The following CYFIP2 variants were observed in gnomAD, a reference collection of about 807,000 sequenced individuals.
CYFIP2 encodes cytoplasmic FMR1-interacting protein 2.
A neutral mutation model predicts 158.7 loss-of-function variants in CYFIP2; 29 were observed. That is an observed-to-expected ratio of 0.18 (90% CI 0.14 to 0.25). The LOEUF (loss-of-function observed/expected upper bound fraction) is 0.25. Among genes scored for constraint, CYFIP2 ranks in the 10% least tolerant of loss-of-function variants. The pLI is 1.00. For synonymous variants in CYFIP2, 585 were observed against 617.6 expected, an observed-to-expected ratio of 0.95 and a Z score of 0.78; for missense variants, 852 against 1,639.5, an observed-to-expected ratio of 0.52 and a Z score of 8.29.
chr5:157,358,935 C>T lies in CYFIP2; in HGVS notation c.2674-70C>T. The T allele has an allele frequency of 5.0e-6, 8 of 1,589,266 alleles. No homozygotes were observed. The South Asian group carries it at 7.8e-5, about 15-fold the overall frequency. On this transcript the variant is annotated intron_variant, in intron 23 of 30. Coordinates refer to ENST00000620254, the MANE Select transcript of CYFIP2 (RefSeq NM_001037333.3). ...GTTCCTAATGCTTCTGTCAGCAGAACATCTGCCAGGACTCCACCAGTGTCC... is the reference window on the plus strand; with the variant it reads ...GTTCCTAATGCTTCTGTCAGCAGAATATCTGCCAGGACTCCACCAGTGTCC...
At position 157,392,151 on chromosome 5, in the gene CYFIP2, T is replaced by C. The variant is rs181298503; in HGVS notation, c.3595-682T>C. On this transcript the variant is annotated intron_variant, in intron 30 of 30. Coordinates refer to ENST00000620254, the MANE Select transcript of CYFIP2 (RefSeq NM_001037333.3). ...GAAGTTCTTTACATATTCTAGATAT[T>C]ACTTATCAGATATAATTTGTGATTA... is the stretch of plus-strand genomic sequence containing the variant. Among the ~76,000 whole-genome samples the C allele has an allele frequency of 1.4e-4, 21 of 152,336 alleles. No individual in the cohort carries two copies. The East Asian group carries it at 3.9e-3, about 28-fold the overall frequency.
chr5:157,281,285 T>C (rs1756968193), intron 1 of CYFIP2, among the ~76,000 whole-genome samples: 1 of 152,174 alleles, frequency 6.6e-6, no homozygotes, highest in South Asian at 2.1e-4. Context: ...CATTTAGGGA[T>C]GTTAACAGCT....
intron 23 of CYFIP2, among the ~76,000 whole-genome samples, chr5:157,352,959 G>A (rs566678958): frequency 1.3e-5 from 2 of 152,174 alleles, no homozygotes; most frequent in African/African-American, 4.8e-5. Context: ...TGCAAGCCCG[G>A]GATTGCCGCC....
intron 24 of CYFIP2, among the ~76,000 whole-genome samples, chr5:157,359,586 C>T (rs369054174): frequency 6.6e-6 from 1 of 152,204 alleles, no homozygotes; most frequent in Non-Finnish European, 1.5e-5. Flanking sequence ...CTTGGGATTT[C>T]TTGCTGAACA....
chr5:157,325,284 T>C (rs570209876), intron 16 of CYFIP2, among the ~76,000 whole-genome samples, 198 bp from the exon 17 acceptor site: 1 of 152,068 alleles, frequency 6.6e-6, no homozygotes, highest in Admixed American at 6.5e-5. Flanking sequence ...CCACTGCCTC[T>C]CAAGCTTAAC....
chr5:157,295,021 C>T (rs548969895), intron 4 of CYFIP2, among the ~76,000 whole-genome samples, 161 bp downstream of exon 4: 6 of 152,288 alleles, frequency 3.9e-5, no homozygotes, highest in African/African-American at 1.4e-4. Flanking sequence ...AGAGAGCTTC[C>T]CATAAAAGTG....
At chr5:157,275,772 C>T (rs1346715077) in intron 1 of CYFIP2, among the ~76,000 whole-genome samples, 51 of 152,244 alleles carry the variant, frequency 3.3e-4, no homozygotes, top group Admixed American at 3.3e-3. Context: ...ATTAAGCCTT[C>T]CAACCTATGG....
chr5:157,294,987 CA>C (rs1262042454), intron 4 of CYFIP2, 127 bp downstream of exon 4: 8 of 624,614 alleles, frequency 1.3e-5, no homozygotes, highest in Non-Finnish European at 1.9e-5. Context: ...TCCTCTTATC[CA>C]AGGAAGAACC....
chr5:157,374,957 T>A (rs555262956), intron 26 of CYFIP2, among the ~76,000 whole-genome samples: 6 of 152,344 alleles, frequency 3.9e-5, no homozygotes, highest in Non-Finnish European at 4.4e-5. Flanking sequence ...AGACTCATTC[T>A]AGGGGGCAGA....
intron 23 of CYFIP2, chr5:157,342,927 C>T: frequency 6.2e-7 from 1 of 1,614,232 alleles, no homozygotes; most frequent in Non-Finnish European, 8.5e-7. Flanking sequence ...GCACCCGCAT[C>T]AGGGGCATCC....
At chr5:157,273,584 G>A (rs1478445679) in intron 1 of CYFIP2, among the ~76,000 whole-genome samples, 6 of 151,972 alleles carry the variant, frequency 3.9e-5, no homozygotes, top group African/African-American at 9.7e-5. Context: ...TGCTCTGTGG[G>A]GTGGTATGGT....
intron 21 of CYFIP2, 77 bp downstream of exon 21, chr5:157,333,523 T>C: frequency 6.2e-7 from 1 of 1,600,348 alleles, no homozygotes; most frequent in Non-Finnish European, 8.5e-7. Context: ...CTGTAGTTAG[T>C]CTAGTGCTGG....
intron 26 of CYFIP2, among the ~76,000 whole-genome samples, chr5:157,367,560 C>T (rs1164488109): frequency 6.6e-6 from 1 of 152,174 alleles, no homozygotes; most frequent in East Asian, 1.9e-4. Flanking sequence ...CCCAGCTGAG[C>T]TTTGCCGATT....
intron 23 of CYFIP2, among the ~76,000 whole-genome samples, chr5:157,355,552 A>G (rs1763355275): frequency 6.6e-6 from 1 of 152,210 alleles, no homozygotes; most frequent in South Asian, 2.1e-4. Context: ...TAACTAGTGC[A>G]TTTACAGACC....
intron 13 of CYFIP2, among the ~76,000 whole-genome samples, chr5:157,317,934 G>A (rs1404534372): frequency 5.3e-5 from 8 of 152,044 alleles, no homozygotes; most frequent in South Asian, 4.1e-4. Flanking sequence ...GACCAGCCCC[G>A]CCACTGATCC....
Position 157,285,396 on chromosome 5 carries a change from C to A in CYFIP2, c.35C>A (p.Ser12Tyr). The A allele has an allele frequency of 6.3e-7, 1 of 1,578,540 alleles. No homozygotes were observed. Among genetic ancestry groups the A allele is most frequent in the East Asian group, 2.3e-5 (1 of 43,006 alleles). Residue 12 changes from serine to tyrosine, a missense_variant, in exon 2 of 31, where the codon TCC (serine) becomes TAC (tyrosine). By Grantham distance (144) the Ser-to-Tyr change is moderately radical. Coordinates refer to ENST00000620254, the MANE Select transcript of CYFIP2 (RefSeq NM_001037333.3). ...TTHVTLEDAL[S>Y]NVDLLEELPL... Reference sequence around the variant, plus strand: ...CACGTCACCCTGGAAGATGCCCTGTCCAACGTGGACCTGCTTGAAGAGCTT... The same window carrying A: ...CACGTCACCCTGGAAGATGCCCTGTACAACGTGGACCTGCTTGAAGAGCTT...
At chr5:157,305,086 TC>T in intron 8 of CYFIP2, among the ~76,000 whole-genome samples, 1 of 152,368 alleles carries the variant, frequency 6.6e-6, no homozygotes, top group Non-Finnish European at 1.5e-5. Flanking sequence ...ATTATTTTGT[TC>T]CTTTTTATGG....
intron 15 of CYFIP2, chr5:157,323,014 C>T: frequency 6.5e-7 from 1 of 1,536,058 alleles, no homozygotes; most frequent in Non-Finnish European, 8.7e-7. Flanking sequence ...CTGCCGATCC[C>T]TGGTATCACA....
chr5:157,364,746 T>C (rs556982686), intron 26 of CYFIP2: 13 of 152,254 alleles, frequency 8.5e-5, no homozygotes, highest in African/African-American at 2.6e-4. Flanking sequence ...ATGAGCTTTC[T>C]GGAGTTTTTT....
Sources: allele counts gnomAD v4.1 joint callset (sites outside exome capture counted in the v4.1 genomes callset), GRCh38; gene constraint gnomAD v4.1.1; transcripts MANE v1.5; gene names NCBI Gene and HGNC (gene_info 2026-07-23, HGNC 2026-07-21).